ANP32A: variants seen among roughly 807,000 people sequenced by gnomAD.
The protein encoded by ANP32A is acidic leucine-rich nuclear phosphoprotein 32 family member A.
Under a neutral mutation model 33.9 loss-of-function variants are expected in ANP32A, and 1 was observed. The ratio of observed to expected loss-of-function variants is 0.03; its 90% CI spans 0.01 to 0.14. The LOEUF is 0.14. Ranked by LOEUF, ANP32A falls within the 10% of genes least tolerant of loss-of-function variation. The pLI, the probability that ANP32A is intolerant of heterozygous loss-of-function variation, is 1.00. For missense variants in ANP32A, 155 were observed against 306.0 expected, an observed-to-expected ratio of 0.51 and a Z score of 3.68; for synonymous variants, 115 against 120.5, an observed-to-expected ratio of 0.95 and a Z score of 0.30.
chr15:68,787,618 C>T (rs758815308), intron 2 of ANP32A, 83 bp from the exon 3 acceptor site: 61 of 1,605,476 alleles, frequency 3.8e-5, no homozygotes, highest in Middle Eastern at 1.7e-4. Flanking sequence ...TTTCCCCAGA[C>T]GGGCAAGAAG....
At chr15:68,797,231 A>G (rs752266162) in intron 1 of ANP32A, among the ~76,000 whole-genome samples, 11 of 152,284 alleles carry the variant, frequency 7.2e-5, no homozygotes, top group African/African-American at 2.2e-4. Context: ...TCTGATGTCT[A>G]TCCTCTCACA....
At chr15:68,783,112 A>C (rs2140359178) in intron 4 of ANP32A, 59 bp from the exon 5 acceptor site, 1 of 1,547,574 alleles carries the variant, frequency 6.5e-7, no homozygotes, top group Non-Finnish European at 8.7e-7. Flanking sequence ...TCCGCCCCCC[A>C]CACAGCACAG....
chr15:68,780,516 C>T lies in ANP32A; in HGVS notation c.625-43G>A. The T allele has an allele frequency of 6.2e-7, 1 of 1,612,632 alleles. No homozygotes were observed. The highest frequency in any genetic ancestry group is 8.5e-7 in the Non-Finnish European group (1 of 1,179,226). On this transcript the variant is annotated intron_variant, in intron 5 of 6. Coordinates refer to ENST00000465139, the MANE Select transcript of ANP32A (RefSeq NM_006305.4). This position sits in a 1 kb window ranked among gnomAD's most constrained non-coding sequence, Gnocchi z 4.3. ...CACCAGAACATTAGAAATGCCCTGC[C>T]TTGGGACATGCTGAGGAAGCCACAC...
At chr15:68,810,145 G>C (rs1217648230) in intron 1 of ANP32A, among the ~76,000 whole-genome samples, 1 of 152,166 alleles carries the variant, frequency 6.6e-6, no homozygotes, top group African/African-American at 2.4e-5. Context: ...CAGAGAGAGT[G>C]GGGCAAGGGA....
chr15:68,819,615 TTTA>T (rs2140378236), intron 1 of ANP32A, among the ~76,000 whole-genome samples: 1 of 152,340 alleles, frequency 6.6e-6, no homozygotes, highest in Non-Finnish European at 1.5e-5. Context: ...CCCGTGCCCA[TTTA>T]TTAAGCAGGC....
At chr15:68,786,209 G>A (rs1434948052) in intron 3 of ANP32A, among the ~76,000 whole-genome samples, 2 of 150,608 alleles carry the variant, frequency 1.3e-5, no homozygotes, top group East Asian at 1.9e-4. Context: ...TGTCCTCCTG[G>A]CCTTTCCCTG....
chr15:68,788,239 G>T (rs1893957667), intron 1 of ANP32A, among the ~76,000 whole-genome samples: 1 of 152,184 alleles, frequency 6.6e-6, no homozygotes, highest in South Asian at 2.1e-4. Flanking sequence ...CCTCTGCAAG[G>T]TTGGTGGTCT....
intron 4 of ANP32A, among the ~76,000 whole-genome samples, chr15:68,783,714 A>G (rs1247846264): frequency 6.6e-6 from 1 of 151,838 alleles, no homozygotes; most frequent in Non-Finnish European, 1.5e-5. Flanking sequence ...AGGGAACAGG[A>G]CTCCCTTCTT....
chr15:68,807,322 T>C (rs73429138), intron 1 of ANP32A, among the ~76,000 whole-genome samples: 16,622 of 145,928 alleles, frequency 0.11, 1,864 homozygotes, highest in African/African-American at 0.28. Flanking sequence ...GCAACTGCTA[T>C]GGGAAAGGTG....
At chr15:68,807,001 AG>A (rs1287047425) in intron 1 of ANP32A, among the ~76,000 whole-genome samples, 5 of 152,250 alleles carry the variant, frequency 3.3e-5, no homozygotes, top group African/African-American at 1.2e-4. Context: ...GCCCTCTGGC[AG>A]GGGGTATGGA....
At chr15:68,814,533 G>A (rs1286213124) in intron 1 of ANP32A, among the ~76,000 whole-genome samples, 1 of 152,152 alleles carries the variant, frequency 6.6e-6, no homozygotes, top group Non-Finnish European at 1.5e-5. Flanking sequence ...AGCAGCAGCA[G>A]GAAAGAGGGA....
chr15:68,784,484 C>T lies in ANP32A; in HGVS notation c.439G>A (p.Gly147Ser). 1.2e-6 allele frequency: 2 copies of T among 1,614,138 alleles called. No individual in the cohort carries two copies. The highest frequency in any genetic ancestry group is 1.7e-6 in the Non-Finnish European group (2 of 1,180,032). Residue 147 changes from glycine (G) to serine (S), a missense_variant, in exon 4 of 7, where the codon GGC becomes AGC. Gly to Ser is a moderately conservative substitution (Grantham distance 56, BLOSUM62 0). This residue lies in a region of ANP32A where 85 missense variants were observed against 183.8 expected (regional missense o/e 0.46). Transcript: ENST00000465139. ...GCCTCCTTGTCGTCCCGGTCATAGC[C>T]GTCGAGATATGTGAGTTGCGGGAGG... ...KLLPQLTYLDGYDRDDKEAPD... is the reference protein window; with the variant it reads ...KLLPQLTYLDSYDRDDKEAPD...
At chr15:68,791,821 G>A (rs1894001522) in intron 1 of ANP32A, 1 of 152,772 alleles carries the variant, frequency 6.5e-6, no homozygotes, top group Non-Finnish European at 1.5e-5. Context: ...ATGGGGGAAA[G>A]ACCCACTGCT....
chr15:68,793,093 G>C (rs1262736600), intron 1 of ANP32A, among the ~76,000 whole-genome samples: 1 of 152,126 alleles, frequency 6.6e-6, no homozygotes, highest in Non-Finnish European at 1.5e-5. Flanking sequence ...AAGGGCAGCT[G>C]CTGCATGAAT....
chr15:68,804,764 C>T (rs972682093), intron 1 of ANP32A, among the ~76,000 whole-genome samples: 2 of 152,250 alleles, frequency 1.3e-5, no homozygotes, highest in Admixed American at 6.5e-5. Flanking sequence ...CCACCTGCCT[C>T]GACCTCCCAA....
At chr15:68,807,430 G>A (rs561747099) in intron 1 of ANP32A, among the ~76,000 whole-genome samples, 3 of 147,372 alleles carry the variant, frequency 2.0e-5, no homozygotes, top group South Asian at 2.2e-4. Flanking sequence ...CAGAAAACGG[G>A]GGGGGGGGAG....
intron 1 of ANP32A, chr15:68,790,654 C>A (rs1458972927): frequency 6.6e-6 from 1 of 152,196 alleles, no homozygotes; most frequent in African/African-American, 2.4e-5. Flanking sequence ...TGTGTTCTCT[C>A]CGTTTTAAAG....
chr15:68,803,034 C>T (rs905379001), intron 1 of ANP32A, among the ~76,000 whole-genome samples: 1 of 152,074 alleles, frequency 6.6e-6, no homozygotes, highest in Non-Finnish European at 1.5e-5. Flanking sequence ...AAATCCCAGG[C>T]ACTACACCAG....
chr15:68,799,493 AC>A (rs1894103081), intron 1 of ANP32A, among the ~76,000 whole-genome samples: 1 of 152,198 alleles, frequency 6.6e-6, no homozygotes, highest in African/African-American at 2.4e-5. Flanking sequence ...AAAAACAAAA[AC>A]AAACCCCAAA....
Sources: allele counts gnomAD v4.1 joint callset (sites outside exome capture counted in the v4.1 genomes callset), GRCh38; gene constraint gnomAD v4.1.1; regional missense constraint gnomAD v4.1.1; non-coding constraint Gnocchi (gnomAD v3.1); transcripts MANE v1.5; gene names NCBI Gene and HGNC (gene_info 2026-07-23, HGNC 2026-07-21).